The following MACROD2 variants were observed in gnomAD, a reference collection of about 807,000 sequenced individuals.
The protein encoded by MACROD2 is ADP-ribose glycohydrolase MACROD2.
MACROD2 carries 36 observed loss-of-function variants against 70.4 expected under a neutral mutation model. The ratio of observed to expected loss-of-function variants is 0.51; its 90% CI spans 0.39 to 0.68. The LOEUF (loss-of-function observed/expected upper bound fraction) is 0.68, where lower values mean the gene tolerates loss of function less well. MACROD2 is among the 30% of genes least tolerant of loss of function. MACROD2 has a pLI of 0.00. For synonymous variants in MACROD2, 172 were observed against 178.8 expected, an observed-to-expected ratio of 0.96 and a Z score of 0.30; for missense variants, 496 against 538.4, an observed-to-expected ratio of 0.92 and a Z score of 0.78.
chr20:14,537,064 C>T (rs376826639), intron 4 of MACROD2, among the ~76,000 whole-genome samples: 51 of 152,294 alleles, frequency 3.3e-4, no homozygotes, highest in African/African-American at 1.2e-3. Flanking sequence ...CTCCCTCCAA[C>T]CCCCTTCCTT....
chr20:14,203,083 T>C (rs1488770283), intron 3 of MACROD2, among the ~76,000 whole-genome samples: 2 of 152,070 alleles, frequency 1.3e-5, no homozygotes, highest in Non-Finnish European at 2.9e-5. Context: ...TATTAAATTA[T>C]TTATTTTTTC....
At chr20:14,230,315 G>A (rs190240122) in intron 3 of MACROD2, among the ~76,000 whole-genome samples, 8 of 152,036 alleles carry the variant, frequency 5.3e-5, no homozygotes, top group African/African-American at 1.2e-4. Flanking sequence ...AAACAGTACC[G>A]CTGCTTTATC....
chr20:14,109,226 G>A (rs111677658), intron 3 of MACROD2, among the ~76,000 whole-genome samples: 4 of 151,838 alleles, frequency 2.6e-5, no homozygotes, highest in East Asian at 1.9e-4. Flanking sequence ...ACATGGTAAC[G>A]GAGACAAAAT....
chr20:14,790,655 C>T (rs2072439861), intron 5 of MACROD2, among the ~76,000 whole-genome samples: 1 of 152,028 alleles, frequency 6.6e-6, no homozygotes. Flanking sequence ...TGTTATGCAT[C>T]CCCTTACCTT....
intron 7 of MACROD2, among the ~76,000 whole-genome samples, chr20:15,454,432 CACACACACACACACACACACA>C (rs2046691188): frequency 1.3e-5 from 2 of 151,194 alleles, no homozygotes; most frequent in Admixed American, 1.3e-4. Context: ...CACACACACA[CACACACACACACACACACACA>C]CCCTTATTAT....
At chr20:15,501,263 G>A (rs2047361325) in intron 8 of MACROD2, among the ~76,000 whole-genome samples, 1 of 152,232 alleles carries the variant, frequency 6.6e-6, no homozygotes, top group South Asian at 2.1e-4. Flanking sequence ...CATGTTGCAT[G>A]AGTGAAAGTT....
At chr20:15,934,854 T>A (rs917486152) in intron 11 of MACROD2, among the ~76,000 whole-genome samples, 1 of 151,872 alleles carries the variant, frequency 6.6e-6, no homozygotes, top group Non-Finnish European at 1.5e-5. Context: ...CGCACCACCA[T>A]GCCTGGATAA....
intron 5 of MACROD2, among the ~76,000 whole-genome samples, chr20:15,089,907 A>G (rs546951521): frequency 6.6e-6 from 1 of 152,268 alleles, no homozygotes; most frequent in South Asian, 2.1e-4. Flanking sequence ...TCAGGGATAT[A>G]GGAGTTTTCT....
intron 10 of MACROD2, among the ~76,000 whole-genome samples, chr20:15,898,894 CTA>C (rs141424341): frequency 0.016 from 2,381 of 150,224 alleles, 54 homozygotes; most frequent in African/African-American, 0.054. Context: ...CACATACCTA[CTA>C]TATATATATA....
chr20:14,295,524 C>T (rs1343563334), intron 3 of MACROD2, among the ~76,000 whole-genome samples: 1 of 150,884 alleles, frequency 6.6e-6, no homozygotes, highest in Non-Finnish European at 1.5e-5. Flanking sequence ...GGGAAACCCA[C>T]TGGGATTTGC....
Position 15,134,184 on chromosome 20 carries a change from C to T in MACROD2, c.419-95756C>T, listed in dbSNP as rs189259046. On this transcript the variant is annotated intron_variant, in intron 5 of 17. Coordinates refer to ENST00000684519, the MANE Select transcript of MACROD2 (RefSeq NM_001351661.2). ...CCTCCCAAAGTGCTGAGATTACAGGCGTGAGCCACCGTGCCCGGCTCTTTT... is the reference window on the plus strand; with the variant it reads ...CCTCCCAAAGTGCTGAGATTACAGGTGTGAGCCACCGTGCCCGGCTCTTTT... Among the ~76,000 whole-genome samples the T allele has an allele frequency of 7.7e-5, 11 of 142,438 alleles. No individual in the cohort carries two copies. In the East Asian group the frequency reaches 9.4e-4, roughly 12 times the overall value. The allele number at this position is 142,438 out of a possible 152,430, so 93.4% of individuals were successfully genotyped here. A position where few individuals can be genotyped will look rare whatever the true frequency, so the allele number is the denominator to read the frequency against.
chr20:14,137,558 C>T (rs1263086641), intron 3 of MACROD2, among the ~76,000 whole-genome samples: 3 of 151,978 alleles, frequency 2.0e-5, no homozygotes, highest in Non-Finnish European at 4.4e-5. Flanking sequence ...AAAATGATGT[C>T]GTGAAAACTT....
rs545019959 is a variant in MACROD2, at chr20:15,753,133, C to T, written c.646-109612C>T. ...TATATTAATTTTTTAAATATATTTT[C>T]AACTTCTTATTTTAGATTCAGGAGG... On this transcript the variant is annotated intron_variant, in intron 8 of 17. Transcript: ENST00000684519. Among the ~76,000 whole-genome samples, 35 of 151,690 alleles carry T rather than the reference C, an allele frequency of 2.3e-4. No homozygotes were observed. In the South Asian group the frequency reaches 6.9e-3, roughly 30 times the overall value.
In MACROD2 at chr20:14,990,674, C is replaced by T. The variant is rs548472327; in HGVS notation, c.419-239266C>T. Among the ~76,000 whole-genome samples, 108 of 152,022 alleles carry T rather than the reference C, an allele frequency of 7.1e-4. 1 individual carries two copies. Among genetic ancestry groups the T allele is most frequent in the African/African-American group, 2.4e-3 (101 of 41,474 alleles). On this transcript the variant is annotated intron_variant, in intron 5 of 17. Coordinates refer to ENST00000684519, the MANE Select transcript of MACROD2 (RefSeq NM_001351661.2). ...GACTACAGGCACTCACCACCACTCC[C>T]GGATAATTTTTGTATTTTTAGTAGA...
chr20:14,169,406 G>A (rs2081199739), intron 3 of MACROD2, among the ~76,000 whole-genome samples: 1 of 152,130 alleles, frequency 6.6e-6, no homozygotes, highest in Non-Finnish European at 1.5e-5. Flanking sequence ...CTGTGTTCAA[G>A]CGATTCTTCT....
chr20:14,254,694 G>T (rs2122285519), intron 3 of MACROD2, among the ~76,000 whole-genome samples: 1 of 152,280 alleles, frequency 6.6e-6, no homozygotes, highest in Middle Eastern at 3.4e-3. Context: ...ATATTTTAGT[G>T]ATTATGCTAT....
At chr20:14,150,770 AAAG>A (rs1216691468) in intron 3 of MACROD2, among the ~76,000 whole-genome samples, 1 of 152,210 alleles carries the variant, frequency 6.6e-6, no homozygotes, top group Non-Finnish European at 1.5e-5. Flanking sequence ...TAGTAATAAA[AAAG>A]AAGAATGGGA....
At chr20:15,070,151 T>C (rs1463881298) in intron 5 of MACROD2, among the ~76,000 whole-genome samples, 1 of 152,192 alleles carries the variant, frequency 6.6e-6, no homozygotes, top group African/African-American at 2.4e-5. Context: ...ATGCTGGAGC[T>C]GTAAGATTTA....
chr20:15,253,257 C>A (rs1393071790), intron 6 of MACROD2, among the ~76,000 whole-genome samples: 2 of 152,150 alleles, frequency 1.3e-5, no homozygotes, highest in African/African-American at 4.8e-5. Flanking sequence ...CCTATGGCTG[C>A]TTTTGCACTA....
Sources: allele counts gnomAD v4.1 joint callset (sites outside exome capture counted in the v4.1 genomes callset), GRCh38; gene constraint gnomAD v4.1.1; transcripts MANE v1.5; gene names NCBI Gene and HGNC (gene_info 2026-07-23, HGNC 2026-07-21).